USP54: variants seen among roughly 807,000 people sequenced by gnomAD.
The protein encoded by USP54 is ubiquitin carboxyl-terminal hydrolase 54.
Under a neutral mutation model 170.5 loss-of-function variants are expected in USP54, and 87 were observed. The ratio of observed to expected loss-of-function variants is 0.51; its 90% confidence interval spans 0.43 to 0.61. The LOEUF is 0.61. Among genes scored for constraint, USP54 ranks in the 20% least tolerant of loss-of-function variants. The pLI, the probability that USP54 is intolerant of heterozygous loss-of-function variation, is 0.00. For missense variants in USP54, 1,786 were observed against 2,047.8 expected, an observed-to-expected ratio of 0.87 and a Z score of 2.47; for synonymous variants, 655 against 742.8, an observed-to-expected ratio of 0.88 and a Z score of 1.92.
chr10:73,516,129 C>A (rs2061037837), intron 20 of USP54, among the ~76,000 whole-genome samples: 1 of 152,140 alleles, frequency 6.6e-6, no homozygotes, highest in African/African-American at 2.4e-5. Flanking sequence ...TGGGCAAATA[C>A]TTAGTAATCT....
At chr10:73,499,341 T>A (rs1169260378) in intron 23 of USP54, among the ~76,000 whole-genome samples, 153 bp from the exon 24 acceptor site, 1 of 152,152 alleles carries the variant, frequency 6.6e-6, no homozygotes, top group Non-Finnish European at 1.5e-5. Context: ...TTTGATTCCA[T>A]TTCTTAAAAT....
At position 73,538,583 on chromosome 10, in the gene USP54, G is replaced by A. The variant is rs529993013; in HGVS notation, c.975+861C>T. ...TAATCCCAACACTTTGGCAGGCTGA[G>A]GAGGGAGGATCACTTGAGCCCAGGA... On this transcript the variant is annotated intron_variant, in intron 10 of 23. Coordinates refer to ENST00000687698, the MANE Select transcript of USP54 (RefSeq NM_001391956.1). Among the ~76,000 whole-genome samples the A allele has an allele frequency of 5.9e-5, 9 of 152,268 alleles. 1 individual carries two copies. In the South Asian group the frequency reaches 1.9e-3, roughly 32 times the overall value.
chr10:73,621,912 GA>G (rs1008790828), intron 1 of USP54, among the ~76,000 whole-genome samples: 55 of 152,174 alleles, frequency 3.6e-4, no homozygotes, highest in African/African-American at 1.3e-3. Context: ...ATCTGAGGGA[GA>G]AAATGTATGA....
intron 1 of USP54, among the ~76,000 whole-genome samples, chr10:73,598,788 C>T (rs1308671098): frequency 2.6e-5 from 4 of 152,164 alleles, no homozygotes; most frequent in Non-Finnish European, 5.9e-5. Flanking sequence ...GGCGTGGCAG[C>T]GTGCATCTGT....
intron 1 of USP54, among the ~76,000 whole-genome samples, chr10:73,584,460 G>A (rs1266351417): frequency 6.6e-6 from 1 of 152,096 alleles, no homozygotes. Context: ...AAACCTCTTG[G>A]TTTACTGTTT....
At chr10:73,604,022 G>A (rs780041504) in intron 1 of USP54, among the ~76,000 whole-genome samples, 11 of 151,542 alleles carry the variant, frequency 7.3e-5, no homozygotes, top group Non-Finnish European at 1.3e-4. Flanking sequence ...AGGACGAAGG[G>A]GGCAGATCAT....
At chr10:73,564,901 CAAAAA>C (rs199823108) in intron 4 of USP54, among the ~76,000 whole-genome samples, 8 of 66,460 alleles carry the variant, frequency 1.2e-4, no homozygotes, top group Non-Finnish European at 1.8e-4. Context: ...TCATCTCTAC[CAAAAA>C]AAAAAAAAAA....
At chr10:73,577,812 G>C (rs2076319490) in intron 1 of USP54, among the ~76,000 whole-genome samples, 1 of 152,122 alleles carries the variant, frequency 6.6e-6, no homozygotes, top group East Asian at 1.9e-4. Context: ...TGATTAACAT[G>C]ACACTAGAAA....
intron 1 of USP54, among the ~76,000 whole-genome samples, chr10:73,581,126 C>T (rs1292280757): frequency 6.6e-6 from 1 of 152,142 alleles, no homozygotes; most frequent in Non-Finnish European, 1.5e-5. Flanking sequence ...GGTATTTTAC[C>T]ATAAAGAAAT....
chr10:73,498,679 G>A lies in USP54; in HGVS notation c.5005C>T (p.Pro1669Ser), dbSNP rs41315012. 2.8e-3 allele frequency: 4,466 copies of A among 1,597,968 alleles called. 12 individuals are homozygous for A. The highest frequency in any genetic ancestry group is 3.3e-3 in the Non-Finnish European group (3,818 of 1,171,532). The change falls in exon 24 of 24, where the codon CCC (proline) becomes TCC (serine). Residue 1669 changes from proline (P) to serine (S), a missense_variant. Pro to Ser is a moderately conservative substitution (Grantham distance 74, BLOSUM62 -1). Transcript: ENST00000687698. ...EGFLFVLSDA[P>S]RREQIRARVL... ...CTAGCCCTGATCTGCTCTCTTCTGG[G>A]AGCATCTGATAGAACAAACAGAAAC...
chr10:73,512,192 C>T (rs371650579), intron 20 of USP54, among the ~76,000 whole-genome samples: 7 of 151,634 alleles, frequency 4.6e-5, no homozygotes, highest in Non-Finnish European at 7.4e-5. Context: ...CAGGCTGGAG[C>T]GCAGTAGCAT....
At chr10:73,509,558 T>C (rs2059864436) in intron 20 of USP54, among the ~76,000 whole-genome samples, 1 of 149,966 alleles carries the variant, frequency 6.7e-6, no homozygotes, top group East Asian at 2.0e-4. Flanking sequence ...GAGGCTGCAG[T>C]GAGTTGAGAT....
chr10:73,555,441 A>G lies in USP54; in HGVS notation c.241-9769T>C, dbSNP rs183841934. ...GAGGTTAAAGACAATCATAAGCTACATATCACACTCATTCCTGCTACCAGC... is the reference window on the plus strand; with the variant it reads ...GAGGTTAAAGACAATCATAAGCTACGTATCACACTCATTCCTGCTACCAGC... On this transcript the variant is annotated intron_variant, in intron 4 of 23. Transcript: ENST00000687698. Among the ~76,000 whole-genome samples the G allele has an allele frequency of 1.8e-3, 280 of 152,326 alleles. 1 individual carries two copies. Among genetic ancestry groups the G allele is most frequent in the African/African-American group, 5.9e-3 (246 of 41,562 alleles).
At chr10:73,595,401 C>A (rs75797575), upstream of USP54, among the ~76,000 whole-genome samples, 5,848 of 152,142 alleles carry the variant, frequency 0.038, 347 homozygotes, top group African/African-American at 0.13. Flanking sequence ...CTCAAGTATG[C>A]ATTACTGAGA....
intron 20 of USP54, among the ~76,000 whole-genome samples, chr10:73,515,263 A>G (rs981758830): frequency 6.6e-6 from 1 of 151,712 alleles, no homozygotes; most frequent in Non-Finnish European, 1.5e-5. Context: ...GCCATTTTAG[A>G]GTTAGAACAT....
At chr10:73,503,194 T>C (rs2058482199) in intron 22 of USP54, among the ~76,000 whole-genome samples, 1 of 152,256 alleles carries the variant, frequency 6.6e-6, no homozygotes, top group African/African-American at 2.4e-5. Flanking sequence ...ATTCAGTTAA[T>C]ATTTGCTCAG....
upstream of USP54, chr10:73,625,919 T>C (rs892399510): frequency 3.8e-4 from 13 of 33,790 alleles, no homozygotes; most frequent in African/African-American, 1.4e-3. Flanking sequence ...CCCGCCCCCC[T>C]GAGGGTGTCG....
chr10:73,616,503 G>A (rs563659923), intron 1 of USP54, among the ~76,000 whole-genome samples: 1 of 149,880 alleles, frequency 6.7e-6, no homozygotes, highest in African/African-American at 2.5e-5. Flanking sequence ...GCCTGTGCGG[G>A]GGTGGGAAGA....
chr10:73,607,425 A>T (rs991632215), intron 1 of USP54, among the ~76,000 whole-genome samples: 1 of 152,152 alleles, frequency 6.6e-6, no homozygotes, highest in African/African-American at 2.4e-5. Context: ...AAAAGTCTTT[A>T]ATTATTTGTC....
Sources: gnomAD v4.1 joint callset for allele counts (sites outside exome capture counted in the v4.1 genomes callset) on GRCh38, gnomAD v4.1.1 for gene constraint, MANE v1.5 for transcripts, NCBI Gene and HGNC (gene_info 2026-07-23, HGNC 2026-07-21) for gene names.